The following PIP4K2A variants were observed in gnomAD, a reference collection of about 807,000 sequenced individuals.
The protein encoded by PIP4K2A is phosphatidylinositol 5-phosphate 4-kinase type-2 alpha.
A neutral mutation model predicts 42.9 loss-of-function variants in PIP4K2A; 14 were observed. That is an observed-to-expected ratio of 0.33 (90% CI 0.22 to 0.51). The LOEUF is 0.51. Among genes scored for constraint, PIP4K2A ranks in the 20% least tolerant of loss-of-function variants. PIP4K2A has a pLI of 0.97. For synonymous variants in PIP4K2A, 192 were observed against 192.2 expected (o/e 1.00, Z 0.01); for missense variants, 434 against 519.8 (o/e 0.83, Z 1.61).
At chr10:22,618,118 C>G (rs1009784015) in intron 1 of PIP4K2A, among the ~76,000 whole-genome samples, 6 of 152,158 alleles carry the variant, frequency 3.9e-5, no homozygotes, top group Non-Finnish European at 8.8e-5. Flanking sequence ...TTGCTTCTGG[C>G]TTCTACAAAT....
At position 22,608,026 on chromosome 10, in the gene PIP4K2A, G is replaced by GA. The variant is rs754169465; in HGVS notation, c.243-4dup. On this transcript the variant is annotated splice_region_variant and splice_polypyrimidine_tract_variant and intron_variant, in intron 2 of 9. Transcript: ENST00000376573. The stretch of plus-strand genomic sequence containing the variant: ...TGAAATGGCTCGGCATGTTTTCTCT[G>GA]AAACAGTCACAGCGTGGAATAAAGC... 3.8e-6 allele frequency: 6 copies of GA among 1,590,352 alleles called. No individual in the cohort carries two copies. The African/African-American group carries it at 8.1e-5, about 21-fold the overall frequency.
intron 1 of PIP4K2A, among the ~76,000 whole-genome samples, chr10:22,663,961 T>C (rs1262455675): frequency 6.8e-6 from 1 of 146,460 alleles, no homozygotes; most frequent in Non-Finnish European, 1.5e-5. Flanking sequence ...TCATAATAAA[T>C]TCCTAGAGGA....
chr10:22,605,878 G>T (rs560216608), intron 3 of PIP4K2A, among the ~76,000 whole-genome samples: 1 of 150,868 alleles, frequency 6.6e-6, no homozygotes, highest in Admixed American at 6.6e-5. Context: ...TCATTTTCAG[G>T]TGGCCTCTTT....
At chr10:22,610,707 G>C (rs1838013539) in intron 1 of PIP4K2A, among the ~76,000 whole-genome samples, 1 of 152,172 alleles carries the variant, frequency 6.6e-6, no homozygotes, top group South Asian at 2.1e-4. Context: ...CCTGAAAGGA[G>C]GGACTCCGAG....
chr10:22,577,276 C>T (rs1311257470), intron 4 of PIP4K2A, among the ~76,000 whole-genome samples: 1 of 151,804 alleles, frequency 6.6e-6, no homozygotes, highest in Non-Finnish European at 1.5e-5. Context: ...CTTCCGGTAG[C>T]CCCATCTCCC....
Position 22,536,025 on chromosome 10 carries a change from C to T in PIP4K2A, c.*1176G>A. 1 of 398,224 alleles carries T rather than the reference C, an allele frequency of 2.5e-6. No individual in the cohort carries two copies. Among genetic ancestry groups the T allele is most frequent in the Non-Finnish European group, 4.4e-6 (1 of 225,880 alleles). The allele number at this position is 398,224 out of a possible 1,614,324, so 24.7% of individuals were successfully genotyped here. A position where few individuals can be genotyped will look rare whatever the true frequency, so the allele number is the denominator to read the frequency against. ...TTATTTCACCTATACTGTGACTTTA[C>T]ATGTAAACTTCAAAAATCACATGCT... On this transcript the variant is annotated 3_prime_UTR_variant, in exon 10 of 10. Transcript: ENST00000376573.
intron 1 of PIP4K2A, chr10:22,691,723 A>G (rs971708700): frequency 2.6e-5 from 4 of 152,208 alleles, no homozygotes; most frequent in African/African-American, 9.7e-5. Flanking sequence ...ACAAAACTTG[A>G]CCCATAAAGG....
chr10:22,631,279 C>G (rs756524286), intron 1 of PIP4K2A, among the ~76,000 whole-genome samples: 31 of 152,088 alleles, frequency 2.0e-4, no homozygotes, highest in Admixed American at 1.2e-3. Flanking sequence ...TCGAGTGTGA[C>G]TTTGTTTGGA....
chr10:22,688,747 C>T (rs1376782001), intron 1 of PIP4K2A, among the ~76,000 whole-genome samples: 1 of 152,140 alleles, frequency 6.6e-6, no homozygotes, highest in Non-Finnish European at 1.5e-5. Flanking sequence ...GCCACCGTGC[C>T]CAGCTGAAAT....
At chr10:22,637,713 C>T (rs1263832691) in intron 1 of PIP4K2A, among the ~76,000 whole-genome samples, 1 of 152,334 alleles carries the variant, frequency 6.6e-6, no homozygotes, top group African/African-American at 2.4e-5. Context: ...AGCAACCATG[C>T]TGCCCAGACG....
chr10:22,552,222 C>G (rs893737636), intron 6 of PIP4K2A, among the ~76,000 whole-genome samples: 1 of 152,076 alleles, frequency 6.6e-6, no homozygotes, highest in Admixed American at 6.5e-5. Context: ...AGTTTGTAAT[C>G]TCGTACGGGA....
rs565032217 is a variant in PIP4K2A at position 22,664,168 on chromosome 10, CATAT to C, written c.144+50011_144+50014del. On this transcript the variant is annotated intron_variant, in intron 1 of 9. Transcript: ENST00000376573. ...ATATATATACACATATATATATATA[CATAT>C]ATATATATACATATATATACATATA... 4.1e-3 allele frequency among the ~76,000 whole-genome samples: 123 copies of C among 30,210 alleles called. 21 individuals carry two copies. Among genetic ancestry groups the C allele is most frequent in the African/African-American group, 0.025 (119 of 4,834 alleles). The allele number at this position is 30,210 out of a possible 152,430, so 19.8% of individuals were successfully genotyped here.
intron 1 of PIP4K2A, among the ~76,000 whole-genome samples, chr10:22,638,438 T>G (rs1440924239): frequency 6.6e-6 from 1 of 152,204 alleles, no homozygotes. Flanking sequence ...CTTCCCAGAA[T>G]TAGTCTTCCT....
chr10:22,605,312 C>G (rs1342921791), intron 3 of PIP4K2A, among the ~76,000 whole-genome samples: 1 of 152,062 alleles, frequency 6.6e-6, no homozygotes, highest in African/African-American at 2.4e-5. Context: ...CAACAGGGAG[C>G]TCTCATGTGA....
intron 1 of PIP4K2A, among the ~76,000 whole-genome samples, chr10:22,713,399 C>G (rs978439838): frequency 6.6e-6 from 1 of 152,036 alleles, no homozygotes; most frequent in African/African-American, 2.4e-5. Context: ...GTCCCCGCCC[C>G]GGCCGCCCTT....
intron 2 of PIP4K2A, 56 bp from the exon 3 acceptor site, chr10:22,608,079 T>A: frequency 8.9e-7 from 1 of 1,128,510 alleles, no homozygotes; most frequent in Non-Finnish European, 1.3e-6. Context: ...GACTTGCATC[T>A]GCCACCACTG....
chr10:22,664,162 T>C lies in PIP4K2A; in HGVS notation c.144+50021A>G, dbSNP rs1226795455. On this transcript the variant is annotated intron_variant, in intron 1 of 9. Coordinates refer to ENST00000376573, the MANE Select transcript of PIP4K2A (RefSeq NM_005028.5). ...ATATACATATATATACACATATATATATATACATATATATATATACATATA... is the reference window on the plus strand; with the variant it reads ...ATATACATATATATACACATATATACATATACATATATATATATACATATA... Among the ~76,000 whole-genome samples the C allele has an allele frequency of 1.5e-3, 111 of 73,200 alleles. 20 individuals carry two copies. The highest frequency in any genetic ancestry group is 0.01 in the African/African-American group (108 of 10,562). 48.0% of individuals were successfully genotyped at this position (73,200 alleles called of 152,430 possible).
intron 6 of PIP4K2A, among the ~76,000 whole-genome samples, chr10:22,558,488 C>G (rs1836607507): frequency 6.6e-6 from 1 of 152,134 alleles, no homozygotes; most frequent in African/African-American, 2.4e-5. Flanking sequence ...CTTGGAACAT[C>G]TAAGCCACAA....
chr10:22,616,385 AG>A (rs1838178496), intron 1 of PIP4K2A, among the ~76,000 whole-genome samples: 1 of 152,120 alleles, frequency 6.6e-6, no homozygotes, highest in Non-Finnish European at 1.5e-5. Flanking sequence ...TTACAACCCA[AG>A]GGGGTAGAGG....
Sources: gnomAD v4.1 joint callset for allele counts (sites outside exome capture counted in the v4.1 genomes callset) on GRCh38, gnomAD v4.1.1 for gene constraint, MANE v1.5 for transcripts, NCBI Gene and HGNC (gene_info 2026-07-23, HGNC 2026-07-21) for gene names.